The following NCKAP1L variants were observed in gnomAD, a reference collection of about 807,000 sequenced individuals.
NCKAP1L encodes nck-associated protein 1-like.
In NCKAP1L, 53 loss-of-function variants were observed where a neutral mutation model predicts 139.2. That is an observed-to-expected ratio of 0.38 (90% CI 0.31 to 0.48). The LOEUF (loss-of-function observed/expected upper bound fraction) is 0.48, where lower values mean the gene tolerates loss of function less well. Among genes scored for constraint, NCKAP1L ranks in the 20% least tolerant of loss-of-function variants. NCKAP1L has a pLI of 0.98. For missense variants in NCKAP1L, 1,151 were observed against 1,381.9 expected (o/e 0.83, Z 2.65); for synonymous variants, 468 against 499.7 (o/e 0.94, Z 0.85).
chr12:54,505,193 A>G (rs1270262843), intron 3 of NCKAP1L, among the ~76,000 whole-genome samples: 1 of 152,234 alleles, frequency 6.6e-6, no homozygotes, highest in Non-Finnish European at 1.5e-5. Flanking sequence ...GGAAACAAGC[A>G]TGGAGACGGG....
rs1255412987 is a variant in NCKAP1L at position 54,531,571 on chromosome 12, GC to G, written c.2689del (p.Gln897SerfsTer2). On this transcript the variant is annotated frameshift_variant, in exon 24 of 31. Coordinates refer to ENST00000293373, the MANE Select transcript of NCKAP1L (RefSeq NM_005337.5). LOFTEE classifies it high-confidence loss of function. ...SKPDLMASLLPQLTGAENVLK... is the reference protein window; with the variant it reads ...SKPDLMASLLXQLTGAENVLK... Reference sequence around the variant, plus strand: ...AGCCGGACTTGATGGCTTCCCTGCTGCCCCAGCTGACAGGTAAGCATCCTCT... The same window carrying G: ...AGCCGGACTTGATGGCTTCCCTGCTGCCCAGCTGACAGGTAAGCATCCTCT... 1 of 1,614,150 alleles carries G rather than the reference GC, an allele frequency of 6.2e-7. No homozygotes were observed.
intron 3 of NCKAP1L, chr12:54,500,882 T>C: frequency 3.6e-6 from 1 of 275,368 alleles, no homozygotes; most frequent in South Asian, 6.2e-5. Context: ...CTATTTTACA[T>C]TAAACTGTTA....
intron 27 of NCKAP1L, among the ~76,000 whole-genome samples, chr12:54,535,758 G>T (rs1381694888): frequency 6.6e-6 from 1 of 152,190 alleles, no homozygotes; most frequent in Non-Finnish European, 1.5e-5. Flanking sequence ...CTTTCAAAAT[G>T]GCCAGACTTA....
chr12:54,546,308 G>A lies in NCKAP1L; in HGVS notation c.*3623G>A, dbSNP rs1413443721. 7.2e-6 allele frequency: 1 copy of A among 138,858 alleles called. No individual in the cohort carries two copies. The highest frequency in any genetic ancestry group is 1.5e-5 in the Non-Finnish European group (1 of 66,082). 8.6% of individuals were successfully genotyped at this position (138,858 alleles called of 1,614,324 possible). A position where few individuals can be genotyped will look rare whatever the true frequency, so the allele number is the denominator to read the frequency against. ...CCGGGAGGCAGAGGTTGCAGTGAGCGAAGATGATGCCATTGCACTCCAGTC... is the reference window on the plus strand; with the variant it reads ...CCGGGAGGCAGAGGTTGCAGTGAGCAAAGATGATGCCATTGCACTCCAGTC... On this transcript the variant is annotated 3_prime_UTR_variant, in exon 31 of 31. Transcript: ENST00000293373.
chr12:54,506,515 C>T (rs1009466193), intron 3 of NCKAP1L, among the ~76,000 whole-genome samples: 3 of 151,662 alleles, frequency 2.0e-5, no homozygotes, highest in African/African-American at 7.3e-5. Context: ...CAACCTCTGC[C>T]TCCCAGGCTC....
At chr12:54,536,831 A>G (rs551442864) in intron 28 of NCKAP1L, 113 bp from the exon 29 acceptor site, 58 of 670,500 alleles carry the variant, frequency 8.7e-5, no homozygotes, top group African/African-American at 4.1e-4. Flanking sequence ...TTTGGTGTCA[A>G]ATACTGGTGG....
intron 28 of NCKAP1L, 38 bp from the exon 29 acceptor site, chr12:54,536,906 C>G: frequency 1.4e-6 from 2 of 1,443,978 alleles, no homozygotes; most frequent in Non-Finnish European, 9.7e-7. Context: ...TTTGTCATTT[C>G]CTCTTTTTTC....
chr12:54,519,429 ATTTTT>A (rs10686138), intron 16 of NCKAP1L, 97 bp downstream of exon 16: 65 of 502,070 alleles, frequency 1.3e-4, no homozygotes, highest in East Asian at 3.7e-4. Context: ...ATTTTGTTTA[ATTTTT>A]TTTTTTTTTT....
intron 1 of NCKAP1L, chr12:54,498,913 A>T (rs375717642): frequency 4.4e-5 from 9 of 203,028 alleles, no homozygotes; most frequent in Non-Finnish European, 6.5e-5. Flanking sequence ...TTTTATTTTT[A>T]TATTTATTTA....
chr12:54,540,315 A>G (rs1487359436), intron 30 of NCKAP1L, among the ~76,000 whole-genome samples: 5 of 152,160 alleles, frequency 3.3e-5, no homozygotes, highest in African/African-American at 4.8e-5. Flanking sequence ...TCCAACTAGA[A>G]AAAGGCCTAG....
Position 54,536,140 on chromosome 12 carries a change from C to G in NCKAP1L, c.2968C>G (p.Pro990Ala). ...TTCCCTCTCACCAGATACTTCATCT[C>G]CTGAGGAGGAATATAAGGTGGCCTG... ...IANLKADTSS[P>A]EEEYKVACLL... Residue 990 changes from proline (P) to alanine (A), a missense_variant, in exon 28 of 31, where the codon CCT becomes GCT. By Grantham distance (27) the Pro-to-Ala change is conservative. Coordinates refer to ENST00000293373, the MANE Select transcript of NCKAP1L (RefSeq NM_005337.5). 6.2e-7 allele frequency: 1 copy of G among 1,612,088 alleles called. No homozygotes were observed.
intron 19 of NCKAP1L, 127 bp downstream of exon 19, chr12:54,523,666 A>G: frequency 7.0e-7 from 1 of 1,432,694 alleles, no homozygotes; most frequent in Non-Finnish European, 9.4e-7. Context: ...ATGGAAAAGC[A>G]CTTAAATGCG....
chr12:54,497,932 A>C (rs1199990732), intron 1 of NCKAP1L, 41 bp downstream of exon 1: 1 of 1,310,830 alleles, frequency 7.6e-7, no homozygotes. Context: ...TATTCCAACA[A>C]TAATAGGGCA....
chr12:54,538,944 C>T lies in NCKAP1L; in HGVS notation c.3244C>T (p.Arg1082Ter), dbSNP rs371322329. Residue 1082 changes from arginine (R) to a stop codon, truncating the protein, a stop_gained, in exon 30 of 31, where the codon CGA becomes TGA. Transcript: ENST00000293373. LOFTEE classifies it high-confidence loss of function. ...GACTGACAAGCTTAAAACCAGAAAT[C>T]GAGAATCCATTTCTCTGCTCATGCG... is the stretch of plus-strand genomic sequence containing the variant. ...QETDKLKTRN[R>*]ESISLLMRLV... 2 of 1,614,002 alleles carry T rather than the reference C, an allele frequency of 1.2e-6. No homozygotes were observed. Among genetic ancestry groups the T allele is most frequent in the Non-Finnish European group, 1.7e-6 (2 of 1,179,920 alleles).
In NCKAP1L at chr12:54,512,795, TGTGA is replaced by T. The variant is rs200011433; in HGVS notation, c.941+693_941+696del. On this transcript the variant is annotated intron_variant, in intron 9 of 30. Transcript: ENST00000293373. ...GTGTGTGTGTGTGTGTGTGTGTATG[TGTGA>T]GTAATTGTGTGTGTGTGTGTGTGCC... is the stretch of plus-strand genomic sequence containing the variant. 2.7e-3 allele frequency among the ~76,000 whole-genome samples: 402 copies of T among 149,746 alleles called. 1 individual carries two copies. Among genetic ancestry groups the T allele is most frequent in the African/African-American group, 9.7e-3 (385 of 39,882 alleles).
intron 9 of NCKAP1L, chr12:54,512,667 G>T (rs1028992763): frequency 1.3e-5 from 2 of 153,332 alleles, no homozygotes; most frequent in African/African-American, 2.4e-5. Flanking sequence ...AAAGTACTGT[G>T]GAAGCATTTA....
At position 54,526,546 on chromosome 12, in the gene NCKAP1L, T is replaced by A. The variant is rs1412526941; in HGVS notation, c.2175T>A (p.Ala725=). 6.2e-7 allele frequency: 1 copy of A among 1,613,986 alleles called. No homozygotes were observed. The highest frequency in any genetic ancestry group is 8.5e-7 in the Non-Finnish European group (1 of 1,179,994). The change falls in exon 21 of 31, where the codon GCT becomes GCA. Residue 725 remains alanine (A), a synonymous_variant. Coordinates refer to ENST00000293373, the MANE Select transcript of NCKAP1L (RefSeq NM_005337.5). ...CACCTAGAGCCATTGTGTGGCTGGCTGGCTACAATGCCACGACCCAGGAGA... is the reference window on the plus strand; with the variant it reads ...CACCTAGAGCCATTGTGTGGCTGGCAGGCTACAATGCCACGACCCAGGAGA... The part of the protein sequence containing the change: ...ARLNRAIVWL[A]GYNATTQEIV...
In NCKAP1L at chr12:54,531,499, G is replaced by C. The variant is rs543909924; in HGVS notation, c.2613G>C (p.Val871=). Residue 871 remains valine (V), a synonymous_variant, in exon 24 of 31, where the codon GTG becomes GTC. Coordinates refer to ENST00000293373, the MANE Select transcript of NCKAP1L (RefSeq NM_005337.5). The part of the protein sequence containing the change: ...TSQIVELKKL[V]VENMDILVQI... Reference sequence around the variant, plus strand: ...GTGTTCCTGGACTACAGAAGCTGGTGGTGGAAAACATGGACATACTTGTTC... The same window carrying C: ...GTGTTCCTGGACTACAGAAGCTGGTCGTGGAAAACATGGACATACTTGTTC... 4 of 1,614,184 alleles carry C rather than the reference G, an allele frequency of 2.5e-6. No homozygotes were observed. The highest frequency in any genetic ancestry group is 3.4e-6 in the Non-Finnish European group (4 of 1,180,010).
At chr12:54,511,338 A>T (rs769986224) in intron 7 of NCKAP1L, among the ~76,000 whole-genome samples, 1 of 152,144 alleles carries the variant, frequency 6.6e-6, no homozygotes, top group Non-Finnish European at 1.5e-5. Flanking sequence ...CATCACCTCC[A>T]TTATTGGCAG....
Sources: gnomAD v4.1 joint callset for allele counts (sites outside exome capture counted in the v4.1 genomes callset) on GRCh38, gnomAD v4.1.1 for gene constraint, MANE v1.5 for transcripts, NCBI Gene and HGNC (gene_info 2026-07-23, HGNC 2026-07-21) for gene names.